The following TMTC2 variants were observed in gnomAD, a reference collection of about 807,000 sequenced individuals.
TMTC2 encodes protein O-mannosyl-transferase TMTC2.
In TMTC2, 43 loss-of-function variants were observed where a neutral mutation model predicts 82.4. The observed-to-expected ratio is 0.52, with a 90% CI of 0.41 to 0.67. The LOEUF is 0.67. Among genes scored for constraint, TMTC2 ranks in the 30% least tolerant of loss-of-function variants. The pLI, the probability that TMTC2 is intolerant of heterozygous loss-of-function variation, is 0.00. For synonymous variants in TMTC2, 408 were observed against 381.9 expected (o/e 1.07, Z -0.80); for missense variants, 919 against 1,012.4 (o/e 0.91, Z 1.25).
intron 11 of TMTC2, among the ~76,000 whole-genome samples, chr12:83,112,668 A>G (rs116386261): frequency 0.016 from 2,424 of 152,314 alleles, 82 homozygotes; most frequent in African/African-American, 0.056. Context: ...GCAGAAAAGG[A>G]TCTTGCCTCT....
chr12:82,956,937 G>A (rs73146516), intron 4 of TMTC2, among the ~76,000 whole-genome samples: 1 of 152,198 alleles, frequency 6.6e-6, no homozygotes, highest in Non-Finnish European at 1.5e-5. Flanking sequence ...CAATAATAGT[G>A]GGGGACTTCA....
chr12:83,096,251 A>C (rs11115577), intron 11 of TMTC2, among the ~76,000 whole-genome samples: 12,630 of 152,292 alleles, frequency 0.083, 703 homozygotes, highest in African/African-American at 0.13. Flanking sequence ...GCTACCAGTG[A>C]ATGGCAGCAC....
intron 4 of TMTC2, among the ~76,000 whole-genome samples, chr12:82,957,378 A>G (rs186092135): frequency 6.6e-6 from 1 of 152,348 alleles, no homozygotes; most frequent in African/African-American, 2.4e-5. Context: ...GGATACAGCA[A>G]AAGCCGTGTT....
intron 1 of TMTC2, among the ~76,000 whole-genome samples, chr12:82,811,904 C>A (rs925374816): frequency 6.7e-6 from 1 of 148,350 alleles, no homozygotes; most frequent in Admixed American, 6.9e-5. Flanking sequence ...TGCAACCTCA[C>A]CTCCTGGGTT....
chr12:82,818,261 A>C (rs1311936552), intron 1 of TMTC2, among the ~76,000 whole-genome samples: 1 of 152,050 alleles, frequency 6.6e-6, no homozygotes, highest in East Asian at 1.9e-4. Flanking sequence ...CTTCCAGATA[A>C]TTCATATTAT....
At chr12:82,817,442 C>T (rs1868808395) in intron 1 of TMTC2, among the ~76,000 whole-genome samples, 1 of 151,992 alleles carries the variant, frequency 6.6e-6, no homozygotes, top group Admixed American at 6.5e-5. Flanking sequence ...CTTTTTGGTA[C>T]AGTTTGACCT....
intron 1 of TMTC2, among the ~76,000 whole-genome samples, chr12:82,725,481 A>G (rs1874404710): frequency 6.6e-6 from 1 of 152,226 alleles, no homozygotes; most frequent in African/African-American, 2.4e-5. Context: ...ATACTTTGAT[A>G]TCATAAAAAG....
At chr12:82,842,589 T>C (rs775483184) in intron 1 of TMTC2, among the ~76,000 whole-genome samples, 42 of 152,138 alleles carry the variant, frequency 2.8e-4, no homozygotes, top group Non-Finnish European at 4.9e-4. Flanking sequence ...CTCTATGGTA[T>C]AGTAGGGCTT....
At chr12:82,900,653 G>C (rs1017899306) in intron 3 of TMTC2, among the ~76,000 whole-genome samples, 1 of 139,258 alleles carries the variant, frequency 7.2e-6, no homozygotes, top group African/African-American at 2.6e-5. Context: ...TATATCTCTG[G>C]AATATATATA....
chr12:83,132,655 C>A lies in TMTC2; in HGVS notation c.*266C>A. On this transcript the variant is annotated 3_prime_UTR_variant, in exon 12 of 12. Transcript: ENST00000321196. Reference sequence around the variant, plus strand: ...GAGCACTTAAAACAGAACCTTTTGGCATTCTTAAAAAGGGAGGGGTGGGTG... The same window carrying A: ...GAGCACTTAAAACAGAACCTTTTGGAATTCTTAAAAAGGGAGGGGTGGGTG... 2.8e-6 allele frequency: 1 copy of A among 361,282 alleles called. No homozygotes were observed. Among genetic ancestry groups the A allele is most frequent in the Non-Finnish European group, 4.9e-6 (1 of 204,114 alleles). 22.4% of individuals were successfully genotyped at this position (361,282 alleles called of 1,614,324 possible).
In TMTC2 at chr12:82,964,508, T is replaced by A. The variant is rs1192026544; in HGVS notation, c.1599-516T>A. On this transcript the variant is annotated intron_variant, in intron 4 of 11. Coordinates refer to ENST00000321196, the MANE Select transcript of TMTC2 (RefSeq NM_152588.3). ...AGCCTTCAGTCTTTTTTGTTGTTGT[T>A]CTTTTTTGGCGTCTGATTAAACTGT... is the stretch of plus-strand genomic sequence containing the variant. 3.3e-5 allele frequency among the ~76,000 whole-genome samples: 5 copies of A among 152,156 alleles called. No homozygotes were observed. In the East Asian group the frequency reaches 7.7e-4, roughly 23 times the overall value.
At chr12:82,929,751 A>G (rs1376635853) in intron 3 of TMTC2, among the ~76,000 whole-genome samples, 1 of 152,152 alleles carries the variant, frequency 6.6e-6, no homozygotes, top group Non-Finnish European at 1.5e-5. Context: ...GGGGGCAATT[A>G]TTGGTGCTGT....
At chr12:83,049,722 T>C (rs1373992185) in intron 9 of TMTC2, among the ~76,000 whole-genome samples, 1 of 152,234 alleles carries the variant, frequency 6.6e-6, no homozygotes, top group Non-Finnish European at 1.5e-5. Flanking sequence ...CTTTAAGTTC[T>C]TTGAGAAATC....
chr12:82,839,120 C>G (rs1193745716), intron 1 of TMTC2, among the ~76,000 whole-genome samples: 2 of 152,170 alleles, frequency 1.3e-5, no homozygotes, highest in Non-Finnish European at 2.9e-5. Flanking sequence ...CTTTTAAAGA[C>G]AGCAGAGTTT....
chr12:82,868,984 C>T (rs1872025531), intron 2 of TMTC2, among the ~76,000 whole-genome samples: 1 of 152,138 alleles, frequency 6.6e-6, no homozygotes, highest in Admixed American at 6.5e-5. Context: ...CTTAATAACA[C>T]TCAGACCAAA....
intron 4 of TMTC2, among the ~76,000 whole-genome samples, chr12:82,961,167 A>G (rs892390916): frequency 1.5e-4 from 23 of 150,982 alleles, no homozygotes; most frequent in African/African-American, 5.6e-4. Context: ...CATATATTCT[A>G]AGTGCTGAAT....
intron 3 of TMTC2, among the ~76,000 whole-genome samples, chr12:82,904,917 A>T (rs1874208390): frequency 6.6e-6 from 1 of 150,636 alleles, no homozygotes; most frequent in African/African-American, 2.4e-5. Flanking sequence ...AATTTCCGAC[A>T]GCTTTCTCTC....
intron 1 of TMTC2, among the ~76,000 whole-genome samples, chr12:82,700,263 G>A (rs900999331): frequency 6.6e-6 from 1 of 152,118 alleles, no homozygotes; most frequent in Admixed American, 6.5e-5. Flanking sequence ...AATTTAATGA[G>A]ATAAGTTATG....
At chr12:82,858,218 G>C (rs1400581546) in intron 2 of TMTC2, among the ~76,000 whole-genome samples, 1 of 152,232 alleles carries the variant, frequency 6.6e-6, no homozygotes, top group African/African-American at 2.4e-5. Flanking sequence ...GTGGTATCCA[G>C]TACAAAGTTG....
Sources: allele counts gnomAD v4.1 joint callset (sites outside exome capture counted in the v4.1 genomes callset), GRCh38; gene constraint gnomAD v4.1.1; transcripts MANE v1.5; gene names NCBI Gene and HGNC (gene_info 2026-07-23, HGNC 2026-07-21).